The following RSRC1 variants were observed in gnomAD, a reference collection of about 807,000 sequenced individuals.
RSRC1 encodes arginine and serine rich coiled-coil 1.
A neutral mutation model predicts 49.1 loss-of-function variants in RSRC1; 39 were observed. That is an observed-to-expected ratio of 0.79 (90% CI 0.61 to 1.04). RSRC1 has a LOEUF of 1.04. Ranked by LOEUF, RSRC1 falls within the 50% of genes least tolerant of loss-of-function variation. RSRC1 has a pLI of 0.00. For missense variants in RSRC1, 388 were observed against 402.4 expected, an observed-to-expected ratio of 0.96 and a Z score of 0.31; for synonymous variants, 143 against 130.8, an observed-to-expected ratio of 1.09 and a Z score of -0.63.
chr3:158,201,025 T>A (rs1721015388), intron 3 of RSRC1, among the ~76,000 whole-genome samples: 1 of 152,194 alleles, frequency 6.6e-6, no homozygotes, highest in African/African-American at 2.4e-5. Flanking sequence ...TTAGTATTTA[T>A]TGTAATGCAA....
chr3:158,435,472 T>G (rs1224720118), intron 6 of RSRC1, among the ~76,000 whole-genome samples: 1 of 151,728 alleles, frequency 6.6e-6, no homozygotes, highest in Non-Finnish European at 1.5e-5. Context: ...AATATAGGAC[T>G]TGTGGTGGCT....
At chr3:158,163,541 CT>C (rs978708621) in intron 3 of RSRC1, among the ~76,000 whole-genome samples, 10 of 152,006 alleles carry the variant, frequency 6.6e-5, no homozygotes, top group Non-Finnish European at 1.2e-4. Context: ...GAATTACGTA[CT>C]TTTTTTGTTA....
At chr3:158,383,588 A>G (rs1258712524) in intron 6 of RSRC1, among the ~76,000 whole-genome samples, 1 of 152,090 alleles carries the variant, frequency 6.6e-6, no homozygotes, top group Non-Finnish European at 1.5e-5. Flanking sequence ...TTTACTAATA[A>G]CTCTGTGTAT....
At chr3:158,168,450 C>T (rs905904972) in intron 3 of RSRC1, among the ~76,000 whole-genome samples, 1 of 152,168 alleles carries the variant, frequency 6.6e-6, no homozygotes, top group African/African-American at 2.4e-5. Flanking sequence ...TTGAAGCATA[C>T]GTACCAATAG....
At chr3:158,407,088 G>C (rs571507775) in intron 6 of RSRC1, among the ~76,000 whole-genome samples, 1 of 152,108 alleles carries the variant, frequency 6.6e-6, no homozygotes, top group Non-Finnish European at 1.5e-5. Flanking sequence ...TGTATAACCA[G>C]TAGCATTTTA....
rs368948634 is a variant in RSRC1 at position 158,176,157 on chromosome 3, CAAAT to C, written c.321-26910_321-26907del. ...CTGCTCAATGAAATAAAAGAGGACACAAATAAATGGAAGAACATTCCATGCTAAT... is the reference window on the plus strand; with the variant it reads ...CTGCTCAATGAAATAAAAGAGGACACAAATGGAAGAACATTCCATGCTAAT... On this transcript the variant is annotated intron_variant, in intron 3 of 9. Coordinates refer to ENST00000611884, the MANE Select transcript of RSRC1 (RefSeq NM_001271838.2). Among the ~76,000 whole-genome samples, 37 of 152,246 alleles carry C rather than the reference CAAAT, an allele frequency of 2.4e-4. 2 individuals are homozygous for C. The East Asian group carries it at 3.1e-3, about 13-fold the overall frequency.
At chr3:158,138,181 T>G (rs1395267207) in intron 3 of RSRC1, among the ~76,000 whole-genome samples, 1 of 152,174 alleles carries the variant, frequency 6.6e-6, no homozygotes, top group East Asian at 1.9e-4. Flanking sequence ...AGAGCTACTT[T>G]TCTGTTTTTC....
At chr3:158,512,601 C>T (rs1740253560) in intron 7 of RSRC1, among the ~76,000 whole-genome samples, 1 of 151,938 alleles carries the variant, frequency 6.6e-6, no homozygotes, top group African/African-American at 2.4e-5. Flanking sequence ...GATGCGGGCT[C>T]TTTTTTGGTT....
chr3:158,194,491 C>CTTTT (rs368635096), intron 3 of RSRC1, among the ~76,000 whole-genome samples: 28 of 126,564 alleles, frequency 2.2e-4, no homozygotes, highest in South Asian at 1.5e-3. Flanking sequence ...CTTTGAGATT[C>CTTTT]TTTTTTTTTT....
chr3:158,206,549 C>A (rs1040983881), intron 4 of RSRC1, among the ~76,000 whole-genome samples: 3 of 152,066 alleles, frequency 2.0e-5, no homozygotes, highest in Non-Finnish European at 4.4e-5. Context: ...TGTAGAGTTT[C>A]AAGTAGAGAA....
At chr3:158,263,427 A>T (rs1725003803) in intron 4 of RSRC1, among the ~76,000 whole-genome samples, 1 of 152,082 alleles carries the variant, frequency 6.6e-6, no homozygotes, top group Non-Finnish European at 1.5e-5. Flanking sequence ...TTGCTTTGCT[A>T]ATATTATGTT....
At chr3:158,412,486 A>G (rs1210834761) in intron 6 of RSRC1, among the ~76,000 whole-genome samples, 1 of 152,074 alleles carries the variant, frequency 6.6e-6, no homozygotes, top group African/African-American at 2.4e-5. Flanking sequence ...ACTGTGTTAG[A>G]CTTATATATT....
intron 7 of RSRC1, among the ~76,000 whole-genome samples, chr3:158,534,892 CTTATAT>C (rs1712631401): frequency 6.6e-6 from 1 of 151,188 alleles, no homozygotes; most frequent in Middle Eastern, 3.2e-3. Flanking sequence ...AAAGAATATA[CTTATAT>C]TCTCAAAAAT....
At chr3:158,204,762 G>T (rs1721255877) in intron 4 of RSRC1, among the ~76,000 whole-genome samples, 3 of 152,018 alleles carry the variant, frequency 2.0e-5, no homozygotes, top group Non-Finnish European at 4.4e-5. Context: ...ACATGGCTGT[G>T]GAAGAAAGCT....
chr3:158,162,394 G>A (rs1051561839), intron 3 of RSRC1, among the ~76,000 whole-genome samples: 2 of 151,982 alleles, frequency 1.3e-5, no homozygotes, highest in African/African-American at 4.8e-5. Flanking sequence ...GCATGTTAAT[G>A]GTATCTAATG....
chr3:158,118,413 CTGTGTGTGTGTGTG>C (rs57257889), intron 1 of RSRC1, among the ~76,000 whole-genome samples: 127 of 90,128 alleles, frequency 1.4e-3, no homozygotes, highest in African/African-American at 3.4e-3. Context: ...ACCTGGCCTT[CTGTGTGTGTGTGTG>C]TGTGTGTGTG....
At chr3:158,133,928 T>C (rs1214716929) in intron 3 of RSRC1, among the ~76,000 whole-genome samples, 2 of 152,200 alleles carry the variant, frequency 1.3e-5, no homozygotes, top group African/African-American at 2.4e-5. Context: ...GGTCGAGTTA[T>C]GGAGTCCAGA....
chr3:158,513,399 T>C (rs1264767467), intron 7 of RSRC1, among the ~76,000 whole-genome samples: 5 of 152,224 alleles, frequency 3.3e-5, no homozygotes, highest in Non-Finnish European at 7.3e-5. Context: ...TTTGGTTCTG[T>C]TTATATGCTG....
At chr3:158,281,870 C>T (rs1040231857) in intron 4 of RSRC1, among the ~76,000 whole-genome samples, 1 of 152,078 alleles carries the variant, frequency 6.6e-6, no homozygotes, top group Non-Finnish European at 1.5e-5. Context: ...TTCAAAAAGT[C>T]GAACTGAAAG....
Sources: gnomAD v4.1 joint callset for allele counts (sites outside exome capture counted in the v4.1 genomes callset) on GRCh38, gnomAD v4.1.1 for gene constraint, MANE v1.5 for transcripts, NCBI Gene and HGNC (gene_info 2026-07-23, HGNC 2026-07-21) for gene names.